The following ABCC5 variants were observed in gnomAD, a reference collection of about 807,000 sequenced individuals.
ABCC5 encodes ATP binding cassette subfamily C member 5.
A neutral mutation model predicts 160.9 loss-of-function variants in ABCC5; 61 were observed. That is an observed-to-expected ratio of 0.38 (90% CI 0.31 to 0.47). The LOEUF is 0.47. ABCC5 is among the 20% of genes least tolerant of loss of function. ABCC5 has a pLI of 0.99. For synonymous variants in ABCC5, 666 were observed against 700.6 expected, an observed-to-expected ratio of 0.95 and a Z score of 0.78; for missense variants, 1,308 against 1,813.3, an observed-to-expected ratio of 0.72 and a Z score of 5.06.
intron 26 of ABCC5, among the ~76,000 whole-genome samples, chr3:183,932,517 T>G (rs1713271245): frequency 6.6e-6 from 1 of 152,152 alleles, no homozygotes; most frequent in Non-Finnish European, 1.5e-5. Context: ...AACAGTGGGG[T>G]CGTGACACAC....
intron 29 of ABCC5, among the ~76,000 whole-genome samples, chr3:183,922,403 AAAAT>A (rs1236633670): frequency 1.3e-5 from 2 of 152,010 alleles, no homozygotes; most frequent in South Asian, 2.1e-4. Flanking sequence ...TAAACAAAAT[AAAAT>A]AAATAAACTG....
rs542802714 is a variant in ABCC5 at position 183,933,979 on chromosome 3, A to T, written c.3854+3922T>A. Among the ~76,000 whole-genome samples the T allele has an allele frequency of 7.1e-4, 108 of 152,122 alleles. No individual in the cohort carries two copies. The Middle Eastern group carries it at 0.017, about 24-fold the overall frequency. ...ATTTATCCTGCCTGTGCCTTGGGAA[A>T]CTCATCATAGGCTTTCTATCTTCTA... is the stretch of plus-strand genomic sequence containing the variant. On this transcript the variant is annotated intron_variant, in intron 26 of 29. Coordinates refer to ENST00000334444, the MANE Select transcript of ABCC5 (RefSeq NM_005688.4).
At chr3:183,939,251 G>A (rs1214575709) in intron 25 of ABCC5, among the ~76,000 whole-genome samples, 2 of 152,166 alleles carry the variant, frequency 1.3e-5, no homozygotes, top group Non-Finnish European at 2.9e-5. Context: ...TGGCCAACAT[G>A]GTGAAACCCT....
chr3:183,936,847 A>G (rs941886042), intron 26 of ABCC5, among the ~76,000 whole-genome samples: 2 of 152,198 alleles, frequency 1.3e-5, no homozygotes, highest in Admixed American at 6.5e-5. Flanking sequence ...AATGATGGAA[A>G]TCCACTGTTT....
intron 24 of ABCC5, among the ~76,000 whole-genome samples, chr3:183,945,454 G>A (rs1477961060): frequency 6.6e-6 from 1 of 152,198 alleles, no homozygotes; most frequent in African/African-American, 2.4e-5. Context: ...ATCCAGAGAT[G>A]AGGCCACGTT....
chr3:183,924,932 G>A (rs927684747), intron 29 of ABCC5, among the ~76,000 whole-genome samples: 1 of 152,224 alleles, frequency 6.6e-6, no homozygotes, highest in Non-Finnish European at 1.5e-5. Context: ...CTTTTAGGTA[G>A]ATGGAACTAT....
At chr3:183,989,193 G>A in intron 3 of ABCC5, 33 bp downstream of exon 3, 1 of 1,256,492 alleles carries the variant, frequency 8.0e-7, no homozygotes, top group Non-Finnish European at 1.1e-6. Flanking sequence ...GGCCTTTGAT[G>A]CTTCACTGTC....
At chr3:184,009,145 G>A (rs1450879967) in intron 2 of ABCC5, among the ~76,000 whole-genome samples, 1 of 152,136 alleles carries the variant, frequency 6.6e-6, no homozygotes, top group Non-Finnish European at 1.5e-5. Context: ...GACTACAGGC[G>A]TGAGGCACCA....
chr3:184,016,789 CT>C (rs1178955957), intron 1 of ABCC5, among the ~76,000 whole-genome samples: 1 of 152,194 alleles, frequency 6.6e-6, no homozygotes, highest in East Asian at 1.9e-4. Context: ...GTCAGCTGCC[CT>C]TTTTTACCAA....
intron 10 of ABCC5, among the ~76,000 whole-genome samples, chr3:183,973,442 T>A (rs1056495215): frequency 1.3e-5 from 2 of 152,080 alleles, no homozygotes; most frequent in Non-Finnish European, 2.9e-5. Flanking sequence ...TTTAAAAAAA[T>A]TTTAAACATT....
intron 2 of ABCC5, among the ~76,000 whole-genome samples, chr3:183,993,267 T>G (rs183821624): frequency 6.1e-4 from 93 of 152,196 alleles, no homozygotes; most frequent in African/African-American, 2.2e-3. Flanking sequence ...GGCAGACTCC[T>G]TAGGTCAGGA....
At position 183,988,534 on chromosome 3, in the gene ABCC5, C is replaced by T. The variant is rs199520621; in HGVS notation, c.443+38G>A. The T allele has an allele frequency of 9.1e-5, 144 of 1,582,870 alleles. 1 individual carries two copies. Among genetic ancestry groups the T allele is most frequent in the African/African-American group, 2.2e-4 (16 of 73,500 alleles). On this transcript the variant is annotated intron_variant, in intron 4 of 29. Coordinates refer to ENST00000334444, the MANE Select transcript of ABCC5 (RefSeq NM_005688.4). This position sits in a 1 kb window ranked among gnomAD's most constrained non-coding sequence, Gnocchi z 4.4. ...ACTCCTAGCTCAGGCCCTGCCCACC[C>T]GGCATGGGGGAGATGAGGGTGGACC...
intron 23 of ABCC5, among the ~76,000 whole-genome samples, chr3:183,946,373 G>A: frequency 6.6e-6 from 1 of 152,170 alleles, no homozygotes; most frequent in Admixed American, 6.5e-5. Context: ...TGGAGCCCCT[G>A]TGCTCCATAG....
At chr3:183,981,974 CT>C in intron 7 of ABCC5, 100 bp from the exon 8 acceptor site, 3 of 1,387,142 alleles carry the variant, frequency 2.2e-6, no homozygotes, top group Non-Finnish European at 2.9e-6. Context: ...GCATATAATC[CT>C]GCTTGCTAGG....
rs550181420 is a variant in ABCC5 at position 183,979,603 on chromosome 3, C to T, written c.1148-952G>A. On this transcript the variant is annotated intron_variant, in intron 8 of 29. Transcript: ENST00000334444. ...AACAATAAGATACTTTTTTTTCAGACGAGGTCTCGCTCTGTTGCTCAGGCT... is the reference window on the plus strand; with the variant it reads ...AACAATAAGATACTTTTTTTTCAGATGAGGTCTCGCTCTGTTGCTCAGGCT... 5.3e-5 allele frequency among the ~76,000 whole-genome samples: 8 copies of T among 152,154 alleles called. No individual in the cohort carries two copies. The South Asian group carries it at 1.5e-3, about 28-fold the overall frequency.
chr3:183,931,324 CTTT>C (rs61449343), intron 26 of ABCC5, among the ~76,000 whole-genome samples: 2 of 131,506 alleles, frequency 1.5e-5, no homozygotes. Flanking sequence ...ACAGGCTTAA[CTTT>C]TTTTTTTTTT....
rs771729590 is a variant in ABCC5 at position 183,989,202 on chromosome 3, T to C, written c.287+24A>G. The stretch of plus-strand genomic sequence containing the variant: ...AAAAAAGGCCTTTGATGCTTCACTG[T>C]CATCACTCAGCACGGCATCTTACTT... On this transcript the variant is annotated intron_variant, in intron 3 of 29. Coordinates refer to ENST00000334444, the MANE Select transcript of ABCC5 (RefSeq NM_005688.4). 23 of 1,405,702 alleles carry C rather than the reference T, an allele frequency of 1.6e-5. No homozygotes were observed. The East Asian group carries it at 5.1e-4, about 31-fold the overall frequency. The allele number at this position is 1,405,702 out of a possible 1,614,324, so 87.1% of individuals were successfully genotyped here. A position where few individuals can be genotyped will look rare whatever the true frequency, so the allele number is the denominator to read the frequency against.
At chr3:183,941,769 G>A (rs1294772212) in intron 25 of ABCC5, among the ~76,000 whole-genome samples, 3 of 151,944 alleles carry the variant, frequency 2.0e-5, no homozygotes, top group Non-Finnish European at 4.4e-5. Context: ...TGGATCATGA[G>A]GTCAGGAAAT....
At chr3:184,001,486 G>A (rs1336261333) in intron 2 of ABCC5, among the ~76,000 whole-genome samples, 3 of 152,090 alleles carry the variant, frequency 2.0e-5, no homozygotes, top group African/African-American at 2.4e-5. Context: ...GTACTGTGTC[G>A]CACGGTGCAG....
Sources: gnomAD v4.1 joint callset for allele counts (sites outside exome capture counted in the v4.1 genomes callset) on GRCh38, gnomAD v4.1.1 for gene constraint, Gnocchi (gnomAD v3.1) non-coding constraint, MANE v1.5 for transcripts, NCBI Gene and HGNC (gene_info 2026-07-23, HGNC 2026-07-21) for gene names.